CSMD1: variants seen among roughly 807,000 people sequenced by gnomAD.
CSMD1 encodes the protein CUB and sushi domain-containing protein 1.
CSMD1 carries 213 observed loss-of-function variants against 417.5 expected under a neutral mutation model. The observed-to-expected ratio is 0.51, with a 90% CI of 0.46 to 0.57. The LOEUF (loss-of-function observed/expected upper bound fraction) is 0.57, where lower values mean the gene tolerates loss of function less well. Ranked by LOEUF, CSMD1 falls within the 20% of genes least tolerant of loss-of-function variation. CSMD1 has a pLI of 0.00. For synonymous variants in CSMD1, 2,862 were observed against 1,736.8 expected (o/e 1.65, Z -16.11); for missense variants, 6,923 against 4,529.7 (o/e 1.53, Z -15.17).
chr8:3,410,371 G>A (rs1812608925), intron 12 of CSMD1, among the ~76,000 whole-genome samples: 1 of 152,158 alleles, frequency 6.6e-6, no homozygotes, highest in African/African-American at 2.4e-5. Context: ...GATATGATTT[G>A]GCTGTGTCCC....
intron 5 of CSMD1, among the ~76,000 whole-genome samples, chr8:3,916,897 A>T (rs1808867085): frequency 7.4e-6 from 1 of 135,254 alleles, no homozygotes. Flanking sequence ...ATGAAACAGA[A>T]TGAGACATAT....
chr8:2,985,432 T>C (rs1218796167), intron 54 of CSMD1, among the ~76,000 whole-genome samples: 1 of 152,010 alleles, frequency 6.6e-6, no homozygotes, highest in Non-Finnish European at 1.5e-5. Context: ...GGTGTGATAC[T>C]GCTACACTGT....
intron 3 of CSMD1, among the ~76,000 whole-genome samples, chr8:4,058,899 C>T (rs1437908758): frequency 6.6e-6 from 1 of 151,994 alleles, no homozygotes; most frequent in Non-Finnish European, 1.5e-5. Context: ...AGAAAGTTAA[C>T]AAGGATACCC....
At chr8:4,435,851 T>G (rs751534809) in intron 2 of CSMD1, among the ~76,000 whole-genome samples, 3 of 152,206 alleles carry the variant, frequency 2.0e-5, no homozygotes, top group Admixed American at 1.3e-4. Flanking sequence ...AAAGCTCACC[T>G]TCCAAGTATT....
At chr8:3,970,604 G>T (rs147701797) in intron 5 of CSMD1, among the ~76,000 whole-genome samples, 103 of 152,262 alleles carry the variant, frequency 6.8e-4, no homozygotes, top group African/African-American at 2.4e-3. Context: ...AATAGCAAAG[G>T]ATCTAGGGAA....
chr8:3,620,643 A>T (rs564274786), intron 7 of CSMD1, among the ~76,000 whole-genome samples: 1 of 152,184 alleles, frequency 6.6e-6, no homozygotes, highest in Non-Finnish European at 1.5e-5. Flanking sequence ...GAAACCATAA[A>T]GAAAGTATCT....
chr8:4,622,568 T>C (rs1011350880), intron 2 of CSMD1, among the ~76,000 whole-genome samples: 1 of 152,142 alleles, frequency 6.6e-6, no homozygotes, highest in Admixed American at 6.6e-5. Context: ...TAGTGGCAGC[T>C]GGCAAACGCG....
chr8:4,830,789 T>C (rs947019631), intron 1 of CSMD1, among the ~76,000 whole-genome samples: 10 of 152,188 alleles, frequency 6.6e-5, no homozygotes, highest in African/African-American at 2.2e-4. Context: ...CAGAGTCAAG[T>C]GCAGCCTACT....
intron 7 of CSMD1, among the ~76,000 whole-genome samples, chr8:3,691,962 C>T (rs952649221): frequency 6.6e-6 from 1 of 152,144 alleles, no homozygotes; most frequent in African/African-American, 2.4e-5. Context: ...TCATTTCACT[C>T]CCCTGAATGA....
chr8:4,203,181 T>C (rs1409329458), intron 3 of CSMD1, among the ~76,000 whole-genome samples: 1 of 152,248 alleles, frequency 6.6e-6, no homozygotes, highest in African/African-American at 2.4e-5. Context: ...ATTTAAAAAA[T>C]CGTCAGTGAG....
At position 4,336,959 on chromosome 8, in the gene CSMD1, C is replaced by G. The variant is rs1448173468; in HGVS notation, c.415+82994G>C. 3.9e-5 allele frequency among the ~76,000 whole-genome samples: 6 copies of G among 152,054 alleles called. No individual in the cohort carries two copies. In the South Asian group the frequency reaches 1.2e-3, roughly 31 times the overall value. ...TGTAGGCTACAATGTTGAAATGGAG[C>G]AAACCCTCAGGATTTGCCGTGTTTT... On this transcript the variant is annotated intron_variant, in intron 3 of 69. Coordinates refer to ENST00000635120, the MANE Select transcript of CSMD1 (RefSeq NM_033225.6).
intron 1 of CSMD1, among the ~76,000 whole-genome samples, chr8:4,977,367 G>A (rs1227528704): frequency 6.6e-6 from 1 of 152,114 alleles, no homozygotes; most frequent in Non-Finnish European, 1.5e-5. Flanking sequence ...GGCCCACTGA[G>A]CAGCTCTCCT....
chr8:4,460,606 T>C (rs1799753826), intron 2 of CSMD1, among the ~76,000 whole-genome samples: 1 of 151,628 alleles, frequency 6.6e-6, no homozygotes, highest in South Asian at 2.1e-4. Context: ...ATTACTAAAA[T>C]GGGGGAAAAA....
intron 2 of CSMD1, among the ~76,000 whole-genome samples, chr8:4,516,030 C>T (rs1563248489): frequency 1.3e-5 from 2 of 152,262 alleles, no homozygotes; most frequent in Admixed American, 1.3e-4. Flanking sequence ...CTGTTGAGGA[C>T]TGAGTTCTGT....
chr8:4,175,149 C>CAA (rs1182382664), intron 3 of CSMD1, among the ~76,000 whole-genome samples: 1 of 151,970 alleles, frequency 6.6e-6, no homozygotes, highest in South Asian at 2.1e-4. Context: ...CCTCGACCAT[C>CAA]AAGAAAGATC....
chr8:3,345,115 G>T (rs1375294056), intron 22 of CSMD1, among the ~76,000 whole-genome samples: 3 of 152,120 alleles, frequency 2.0e-5, no homozygotes, highest in African/African-American at 7.2e-5. Flanking sequence ...CATAAAGATG[G>T]GGAAATACGA....
chr8:3,342,042 T>G (rs988377291), intron 23 of CSMD1, among the ~76,000 whole-genome samples: 1 of 152,192 alleles, frequency 6.6e-6, no homozygotes, highest in Non-Finnish European at 1.5e-5. Context: ...TTTATAATTA[T>G]AGGTTGATCT....
intron 11 of CSMD1, among the ~76,000 whole-genome samples, chr8:3,469,864 G>A (rs1459716672): frequency 6.6e-6 from 1 of 152,148 alleles, no homozygotes; most frequent in East Asian, 1.9e-4. Context: ...AATGCTGTGT[G>A]GTTAACTAAA....
At chr8:4,008,879 G>C (rs974663560) in intron 4 of CSMD1, among the ~76,000 whole-genome samples, 1 of 151,812 alleles carries the variant, frequency 6.6e-6, no homozygotes, top group Non-Finnish European at 1.5e-5. Flanking sequence ...CAAAGTGCTG[G>C]GATTACAGGC....
Sources: allele counts gnomAD v4.1 joint callset (sites outside exome capture counted in the v4.1 genomes callset), GRCh38; gene constraint gnomAD v4.1.1; transcripts MANE v1.5; gene names NCBI Gene and HGNC (gene_info 2026-07-23, HGNC 2026-07-21).